APOBEC1: variants seen among roughly 807,000 people sequenced by gnomAD.
APOBEC1 encodes the protein apolipoprotein B mRNA editing enzyme catalytic subunit 1, also known as C->U-editing enzyme APOBEC-1.
A neutral mutation model predicts 26.3 loss-of-function variants in APOBEC1; 22 were observed. That is an observed-to-expected ratio of 0.84 (90% CI 0.60 to 1.19). APOBEC1 has a LOEUF of 1.19. APOBEC1 is among the 50% of genes most tolerant of loss of function. The pLI, the probability that APOBEC1 is intolerant of heterozygous loss-of-function variation, is 0.00. For synonymous variants in APOBEC1, 77 were observed against 95.3 expected, an observed-to-expected ratio of 0.81 and a Z score of 1.12; for missense variants, 253 against 289.0, an observed-to-expected ratio of 0.88 and a Z score of 0.90.
upstream of APOBEC1, among the ~76,000 whole-genome samples, chr12:7,666,510 T>A (rs1000950399): frequency 3.3e-5 from 5 of 151,958 alleles, no homozygotes; most frequent in African/African-American, 1.2e-4. Flanking sequence ...GGTCAGGCTG[T>A]TTTTGAACTC....
intron 1 of APOBEC1, among the ~76,000 whole-genome samples, chr12:7,657,027 T>C (rs1284145370): frequency 6.7e-6 from 1 of 149,734 alleles, no homozygotes; most frequent in East Asian, 1.9e-4. Flanking sequence ...CTTGGTGTCC[T>C]AGTGTGTTGT....
chr12:7,652,936 TTTTA>T, intron 2 of APOBEC1, 101 bp from the exon 3 acceptor site: 1 of 1,032,754 alleles, frequency 9.7e-7, no homozygotes. Flanking sequence ...TTTTATTTTA[TTTTA>T]TTTTTTTAAG....
At chr12:7,670,530 G>A (rs1045567214), upstream of APOBEC1, among the ~76,000 whole-genome samples, 4 of 139,048 alleles carry the variant, frequency 2.9e-5, 1 homozygote, top group African/African-American at 1.1e-4. Context: ...CAAGGCGGGT[G>A]GATCGCCTGA....
chr12:7,665,949 T>G, upstream of APOBEC1: 1 of 1,497,398 alleles, frequency 6.7e-7, no homozygotes. Flanking sequence ...GCTTCAGGTG[T>G]GCCCACTGCC....
At chr12:7,660,369 AAG>A (rs1863793390) in intron 1 of APOBEC1, among the ~76,000 whole-genome samples, 1 of 100,130 alleles carries the variant, frequency 1.0e-5, no homozygotes, top group Admixed American at 9.9e-5. Context: ...GGAAGGAAGG[AAG>A]GAAGGAAAGA....
At chr12:7,664,970 C>A (rs1243696728) in intron 1 of APOBEC1, among the ~76,000 whole-genome samples, 1 of 151,538 alleles carries the variant, frequency 6.6e-6, no homozygotes. Flanking sequence ...TTTGAGAGAC[C>A]AAGGGTGGAG....
intron 1 of APOBEC1, among the ~76,000 whole-genome samples, chr12:7,660,202 C>A (rs1310691212): frequency 1.3e-5 from 2 of 150,964 alleles, no homozygotes; most frequent in Non-Finnish European, 2.9e-5. Context: ...ATTCTGGAGG[C>A]TGAGACAGGA....
chr12:7,649,434 G>A lies in APOBEC1; in HGVS notation c.*113C>T, dbSNP rs919364654. 1.3e-5 allele frequency: 15 copies of A among 1,155,268 alleles called. No homozygotes were observed. In the African/African-American group the frequency reaches 2.0e-4, roughly 15 times the overall value. The allele number at this position is 1,155,268 out of a possible 1,614,324, so 71.6% of individuals were successfully genotyped here. On this transcript the variant is annotated 3_prime_UTR_variant, in exon 5 of 5. Transcript: ENST00000229304. ...TAATACATATTTATTGTTGGTTTAA[G>A]CTACAGAGTTTTGGGGTACCTTGTG...
At chr12:7,668,768 G>A (rs1225943608), upstream of APOBEC1, among the ~76,000 whole-genome samples, 3 of 151,338 alleles carry the variant, frequency 2.0e-5, no homozygotes, top group Admixed American at 6.6e-5. Context: ...TTCCTCTATC[G>A]CCCAGGCTGG....
At chr12:7,664,963 G>A (rs1203830155) in intron 1 of APOBEC1, among the ~76,000 whole-genome samples, 2 of 151,426 alleles carry the variant, frequency 1.3e-5, no homozygotes, top group African/African-American at 4.9e-5. Flanking sequence ...CTAGTACTTT[G>A]AGAGACCAAG....
intron 1 of APOBEC1, among the ~76,000 whole-genome samples, chr12:7,660,572 C>G (rs1479244184): frequency 6.9e-6 from 1 of 144,372 alleles, no homozygotes; most frequent in Non-Finnish European, 1.5e-5. Context: ...GCATGGTGGC[C>G]CATGCTTGTA....
chr12:7,659,294 C>CAAAAA (rs1163730869), intron 1 of APOBEC1, among the ~76,000 whole-genome samples: 9 of 16,542 alleles, frequency 5.4e-4, no homozygotes, highest in African/African-American at 9.5e-4. Context: ...AACTCCCTCT[C>CAAAAA]AAAAAAAAAA....
chr12:7,657,886 A>C (rs1394132120), intron 1 of APOBEC1, among the ~76,000 whole-genome samples: 1 of 152,096 alleles, frequency 6.6e-6, no homozygotes. Flanking sequence ...AAAAAAAGAT[A>C]ATAATAATTA....
intron 1 of APOBEC1, among the ~76,000 whole-genome samples, chr12:7,658,512 T>C (rs1863748970): frequency 6.6e-6 from 1 of 152,180 alleles, no homozygotes; most frequent in African/African-American, 2.4e-5. Context: ...ATGGCTTGAT[T>C]ACCCAACAGA....
chr12:7,654,261 T>G (rs1214241639), intron 2 of APOBEC1, among the ~76,000 whole-genome samples: 1 of 148,020 alleles, frequency 6.8e-6, no homozygotes, highest in African/African-American at 2.5e-5. Context: ...AGAGCAAAGA[T>G]ATAAAAAACA....
chr12:7,658,479 T>C (rs1230030283), intron 1 of APOBEC1, among the ~76,000 whole-genome samples: 1 of 152,086 alleles, frequency 6.6e-6, no homozygotes, highest in African/African-American at 2.4e-5. Context: ...GATACAGGAA[T>C]TGGAGACTAA....
In APOBEC1 at chr12:7,659,373, TCA is replaced by T. The variant is rs147840833; in HGVS notation, c.17-4743_17-4742del. On this transcript the variant is annotated intron_variant, in intron 1 of 4. Coordinates refer to ENST00000229304, the MANE Select transcript of APOBEC1 (RefSeq NM_001644.5). ...TATGTTTATATTTGAAATTTAAAAATCACACACACACACACACACACAAAAGG... is the reference window on the plus strand; with the variant it reads ...TATGTTTATATTTGAAATTTAAAAATCACACACACACACACACACAAAAGG... 3.2e-4 allele frequency among the ~76,000 whole-genome samples: 37 copies of T among 114,070 alleles called. 1 individual carries two copies. Among genetic ancestry groups the T allele is most frequent in the African/African-American group, 8.4e-4 (23 of 27,540 alleles). 74.8% of individuals were successfully genotyped at this position (114,070 alleles called of 152,430 possible). A position where few individuals can be genotyped will look rare whatever the true frequency, so the allele number is the denominator to read the frequency against.
rs3214348 is a variant in APOBEC1, at chr12:7,652,411, T to TG, written c.442+26dup. The TG allele has an allele frequency of 2.2e-4, 352 of 1,578,150 alleles. 3 individuals carry two copies. The East Asian group carries it at 7.9e-3, about 35-fold the overall frequency. ...TATCACCACAGTCTGTTGTAAACAA[T>TG]GAAGTTTCTTTGTTTACTGTTTTTA... On this transcript the variant is annotated intron_variant, in intron 3 of 4. Transcript: ENST00000229304.
At chr12:7,653,238 C>G (rs952760718) in intron 2 of APOBEC1, among the ~76,000 whole-genome samples, 1 of 152,116 alleles carries the variant, frequency 6.6e-6, no homozygotes, top group African/African-American at 2.4e-5. Flanking sequence ...CCTCTGCTCC[C>G]CTCTTCTATC....
Sources: gnomAD v4.1 joint callset for allele counts (sites outside exome capture counted in the v4.1 genomes callset) on GRCh38, gnomAD v4.1.1 for gene constraint, MANE v1.5 for transcripts, NCBI Gene and HGNC (gene_info 2026-07-23, HGNC 2026-07-21) for gene names.